PSD2: variants seen among roughly 807,000 people sequenced by gnomAD.
PSD2 encodes PH and SEC7 domain-containing protein 2.
Under a neutral mutation model 69.8 loss-of-function variants are expected in PSD2, and 38 were observed. The ratio of observed to expected loss-of-function variants is 0.54; its 90% CI spans 0.42 to 0.71. The LOEUF (loss-of-function observed/expected upper bound fraction) is 0.71. Ranked by LOEUF, PSD2 falls within the 30% of genes least tolerant of loss-of-function variation. PSD2 has a pLI of 0.00. For synonymous variants in PSD2, 412 were observed against 423.0 expected, an observed-to-expected ratio of 0.97 and a Z score of 0.32; for missense variants, 943 against 1,014.5, an observed-to-expected ratio of 0.93 and a Z score of 0.96.
chr5:139,834,980 C>T lies in PSD2; in HGVS notation c.1360-743C>T, dbSNP rs995615958. Among the ~76,000 whole-genome samples the T allele has an allele frequency of 1.1e-4, 17 of 151,490 alleles. 1 individual carries two copies. The highest frequency in any genetic ancestry group is 9.7e-5 in the African/African-American group (4 of 41,166). On this transcript the variant is annotated intron_variant, in intron 8 of 14. Transcript: ENST00000274710. ...CCCCAAACCCTCCCTTCCCACTCCT[C>T]GCATAGCAACCACTCACCCATTCAC...
At chr5:139,823,878 C>T (rs753773980) in intron 7 of PSD2, among the ~76,000 whole-genome samples, 3 of 152,256 alleles carry the variant, frequency 2.0e-5, no homozygotes, top group Non-Finnish European at 4.4e-5. Flanking sequence ...AGTCTGCTGG[C>T]AGCCTGGGCT....
chr5:139,840,968 CATT>C (rs1760857244), intron 14 of PSD2, among the ~76,000 whole-genome samples: 1 of 152,174 alleles, frequency 6.6e-6, no homozygotes. Context: ...AGTCTATTCA[CATT>C]GTTGTGTAAC....
chr5:139,797,273 G>A (rs563281416), intron 1 of PSD2, among the ~76,000 whole-genome samples: 1 of 152,370 alleles, frequency 6.6e-6, no homozygotes, highest in African/African-American at 2.4e-5. Flanking sequence ...CTACTGCAAA[G>A]TTTGGTCCTG....
At chr5:139,759,558 C>T in the PSD2 span, among the ~76,000 whole-genome samples, 1 of 152,148 alleles carries the variant, frequency 6.6e-6, no homozygotes, top group African/African-American at 2.4e-5. Context: ...GCTTGAATTA[C>T]GGAAAGAAGT....
At chr5:139,816,130 G>A (rs940707970) in intron 4 of PSD2, among the ~76,000 whole-genome samples, 21 of 151,844 alleles carry the variant, frequency 1.4e-4, no homozygotes, top group Admixed American at 1.2e-3. Flanking sequence ...ATGACCCACA[G>A]CCTTTTTTTC....
chr5:139,838,809 C>G, intron 13 of PSD2, 37 bp downstream of exon 13: 1 of 1,595,140 alleles, frequency 6.3e-7, no homozygotes, highest in Middle Eastern at 2.2e-4. Context: ...CCTCCCCAGG[C>G]TGCCATCCTC....
chr5:139,827,993 T>C (rs1243314069), intron 7 of PSD2, among the ~76,000 whole-genome samples: 2 of 151,256 alleles, frequency 1.3e-5, no homozygotes, highest in African/African-American at 4.9e-5. Flanking sequence ...GAGCAGGAGA[T>C]GGGGGTCAGG....
the PSD2 span, among the ~76,000 whole-genome samples, chr5:139,772,244 C>T: frequency 6.6e-6 from 1 of 152,174 alleles, no homozygotes; most frequent in African/African-American, 2.4e-5. Context: ...ATGACTTTGA[C>T]TCTAGTCCCA....
the PSD2 span, among the ~76,000 whole-genome samples, chr5:139,780,039 G>A: frequency 1.3e-3 from 199 of 152,258 alleles, no homozygotes; most frequent in Admixed American, 1.8e-3. Flanking sequence ...TTGGGGACTC[G>A]AGTGGAAATG....
At chr5:139,761,589 C>T in the PSD2 span, among the ~76,000 whole-genome samples, 3 of 152,212 alleles carry the variant, frequency 2.0e-5, no homozygotes, top group Admixed American at 6.5e-5. Context: ...ACTCCTCCTC[C>T]GTGGACACCA....
rs1430359283 is a variant in PSD2, at chr5:139,817,499, G to A, written c.1035G>A (p.Leu345=). 6.2e-7 allele frequency: 1 copy of A among 1,614,134 alleles called. No homozygotes were observed. The highest frequency in any genetic ancestry group is 8.5e-7 in the Non-Finnish European group (1 of 1,179,978). ...CTGGCAGCAACGAGTTTAGCAGGCT[G>A]GTGGCCGGGGAGTACCTCAGTTTCT... is the stretch of plus-strand genomic sequence containing the variant. ...QLGKNNEFSR[L]VAGEYLSFFD... is the part of the protein sequence containing the mutation. The change falls in exon 5 of 15, where the codon CTG becomes CTA. Residue 345 remains leucine (L), a synonymous_variant. Transcript: ENST00000274710.
intron 5 of PSD2, among the ~76,000 whole-genome samples, chr5:139,821,406 G>A (rs1452260500): frequency 6.6e-6 from 1 of 152,194 alleles, no homozygotes; most frequent in African/African-American, 2.4e-5. Context: ...CAAACCATCA[G>A]GATTTGGTGG....
intron 1 of PSD2, among the ~76,000 whole-genome samples, chr5:139,805,501 C>T (rs905180405): frequency 6.6e-6 from 1 of 152,202 alleles, no homozygotes; most frequent in Admixed American, 6.5e-5. Flanking sequence ...TCCCCACCCT[C>T]ACTGAACTTA....
the PSD2 span, among the ~76,000 whole-genome samples, chr5:139,750,555 A>T: frequency 6.6e-6 from 1 of 152,194 alleles, no homozygotes; most frequent in Non-Finnish European, 1.5e-5. Context: ...TCTGCCTGAA[A>T]TGGTTCCAGA....
chr5:139,779,941 G>C, the PSD2 span, among the ~76,000 whole-genome samples: 26 of 152,242 alleles, frequency 1.7e-4, 1 homozygote, highest in Admixed American at 1.5e-3. Context: ...ACAGACACCT[G>C]GGCTGTTTCT....
chr5:139,809,308 C>T, intron 1 of PSD2, 83 bp from the exon 2 acceptor site: 2 of 1,094,400 alleles, frequency 1.8e-6, no homozygotes, highest in Non-Finnish European at 2.6e-6. Flanking sequence ...GCAGGCTGCT[C>T]TGCCACTGGT....
Position 139,821,455 on chromosome 5 carries a change from G to C in PSD2, c.1098-438G>C, listed in dbSNP as rs566815732. On this transcript the variant is annotated intron_variant, in intron 5 of 14. Coordinates refer to ENST00000274710, the MANE Select transcript of PSD2 (RefSeq NM_032289.4). ...GGGTAGGGGAGGAGTTGAGGGGCCA[G>C]AGTTGGGCCTGGGGCTCAGCTGGTG... 6.0e-4 allele frequency among the ~76,000 whole-genome samples: 92 copies of C among 152,338 alleles called. 2 individuals carry two copies. The South Asian group carries it at 0.019, about 31-fold the overall frequency.
At chr5:139,776,768 A>C in the PSD2 span, among the ~76,000 whole-genome samples, 1 of 151,622 alleles carries the variant, frequency 6.6e-6, no homozygotes, top group African/African-American at 2.4e-5. Context: ...TCCTGGGCTC[A>C]AGTGATCCTC....
chr5:139,779,479 C>A, the PSD2 span, among the ~76,000 whole-genome samples: 1 of 152,184 alleles, frequency 6.6e-6, no homozygotes, highest in East Asian at 1.9e-4. Flanking sequence ...TATCAGTACA[C>A]TTTGACCCCC....
Sources: gnomAD v4.1 joint callset for allele counts (sites outside exome capture counted in the v4.1 genomes callset) on GRCh38, gnomAD v4.1.1 for gene constraint, MANE v1.5 for transcripts, NCBI Gene and HGNC (gene_info 2026-07-23, HGNC 2026-07-21) for gene names.